Variants in WWC1 observed in about 807,000 individuals in gnomAD.
The protein encoded by WWC1 is WW and C2 domain containing 1, also known as protein KIBRA.
Under a neutral mutation model 138.4 loss-of-function variants are expected in WWC1, and 55 were observed. The observed-to-expected ratio is 0.40, with a 90% CI of 0.32 to 0.50. The LOEUF is 0.50. WWC1 is among the 20% of genes least tolerant of loss of function. WWC1 has a pLI of 0.72. For missense variants in WWC1, 1,226 were observed against 1,420.4 expected, an observed-to-expected ratio of 0.86 and a Z score of 2.20; for synonymous variants, 524 against 564.9, an observed-to-expected ratio of 0.93 and a Z score of 1.03.
chr5:168,408,530 C>T lies in WWC1; in HGVS notation c.744C>T (p.Gly248=). The change falls in exon 7 of 23, where the codon GGC becomes GGT. Residue 248 remains glycine (G), a synonymous_variant. Transcript: ENST00000265293. The stretch of plus-strand genomic sequence containing the variant: ...AGAGCCTTGCCATGTTGAAGGACGG[C>T]TTCCGCACTGACAGGGGGTCTCACT... The part of the protein sequence containing the change: ...LIKSLAMLKD[G]FRTDRGSHSD... The T allele has an allele frequency of 1.2e-6, 2 of 1,614,152 alleles. No individual in the cohort carries two copies. The highest frequency in any genetic ancestry group is 1.7e-6 in the Non-Finnish European group (2 of 1,180,004).
intron 5 of WWC1, 28 bp from the exon 6 acceptor site, chr5:168,406,170 C>G (rs1188110333): frequency 6.2e-7 from 1 of 1,612,046 alleles, no homozygotes; most frequent in South Asian, 1.1e-5. Flanking sequence ...CTATCTAAGG[C>G]TGACCTTTCC....
intron 1 of WWC1, among the ~76,000 whole-genome samples, chr5:168,350,385 A>G (rs1157984689): frequency 6.6e-6 from 1 of 152,228 alleles, no homozygotes; most frequent in Non-Finnish European, 1.5e-5. Flanking sequence ...TGGGTTCCTC[A>G]GGAAATTTGC....
chr5:168,385,181 C>G (rs1777946092), intron 2 of WWC1, 30 bp from the exon 3 acceptor site: 1 of 1,611,332 alleles, frequency 6.2e-7, no homozygotes. Flanking sequence ...TTGTGAGATG[C>G]TGACCTAGAA....
chr5:168,311,362 G>T (rs973885919), intron 1 of WWC1, among the ~76,000 whole-genome samples: 1 of 152,154 alleles, frequency 6.6e-6, no homozygotes, highest in Non-Finnish European at 1.5e-5. Context: ...GGCCCCTGCT[G>T]CTGGGCAGGT....
At chr5:168,322,973 A>G (rs1772238945) in intron 1 of WWC1, among the ~76,000 whole-genome samples, 1 of 152,270 alleles carries the variant, frequency 6.6e-6, no homozygotes, top group Non-Finnish European at 1.5e-5. Flanking sequence ...GACAGTGTCC[A>G]GCCAACAGTA....
chr5:168,329,382 A>C (rs1455661256), intron 1 of WWC1, among the ~76,000 whole-genome samples: 1 of 152,210 alleles, frequency 6.6e-6, no homozygotes, highest in Non-Finnish European at 1.5e-5. Context: ...TATATTTAAA[A>C]GGGTTCTCTT....
chr5:168,358,210 T>A (rs2152797489), intron 1 of WWC1, among the ~76,000 whole-genome samples: 1 of 152,294 alleles, frequency 6.6e-6, no homozygotes, highest in Non-Finnish European at 1.5e-5. Context: ...ACACCTTTGG[T>A]AGGCAATGCA....
intron 1 of WWC1, among the ~76,000 whole-genome samples, chr5:168,348,193 G>A (rs769405905): frequency 1.3e-5 from 2 of 152,172 alleles, no homozygotes; most frequent in Non-Finnish European, 1.5e-5. Context: ...GATGTGCACC[G>A]GCCACACAGC....
chr5:168,344,463 C>G (rs190360542), intron 1 of WWC1, among the ~76,000 whole-genome samples: 67 of 152,298 alleles, frequency 4.4e-4, no homozygotes, highest in Middle Eastern at 6.8e-3. Context: ...CTTTTCTCCT[C>G]CAGAATTGTC....
chr5:168,318,674 C>T (rs907100654), intron 1 of WWC1, among the ~76,000 whole-genome samples: 1 of 151,952 alleles, frequency 6.6e-6, no homozygotes, highest in Non-Finnish European at 1.5e-5. Flanking sequence ...ATTCTCCTGC[C>T]TCAGCCTCCC....
intron 1 of WWC1, among the ~76,000 whole-genome samples, chr5:168,323,005 A>T (rs1772242164): frequency 6.6e-6 from 1 of 152,266 alleles, no homozygotes; most frequent in African/African-American, 2.4e-5. Flanking sequence ...CAGTTTATGA[A>T]GAAAGTCAGT....
At chr5:168,404,623 G>T (rs1779643626) in intron 5 of WWC1, among the ~76,000 whole-genome samples, 1 of 152,152 alleles carries the variant, frequency 6.6e-6, no homozygotes, top group South Asian at 2.1e-4. Context: ...AGGACAGTTT[G>T]GTCTGTAGCA....
intron 12 of WWC1, 63 bp downstream of exon 12, chr5:168,428,204 GC>G (rs1781662461): frequency 6.6e-7 from 1 of 1,519,254 alleles, no homozygotes; most frequent in African/African-American, 1.4e-5. Flanking sequence ...AATATCCAGA[GC>G]CTAGGCCTGT....
At chr5:168,338,730 T>C (rs1773724197) in intron 1 of WWC1, among the ~76,000 whole-genome samples, 1 of 152,084 alleles carries the variant, frequency 6.6e-6, no homozygotes, top group African/African-American at 2.4e-5. Flanking sequence ...CAGAAGGGAT[T>C]TTTCCTGCAA....
intron 22 of WWC1, 41 bp downstream of exon 22, chr5:168,468,005 C>T (rs759360590): frequency 1.2e-6 from 2 of 1,611,862 alleles, no homozygotes; most frequent in South Asian, 1.1e-5. Context: ...CCTTTCTCAG[C>T]CAACCCACGG....
chr5:168,385,732 G>A (rs909797323), intron 3 of WWC1, among the ~76,000 whole-genome samples: 1 of 152,146 alleles, frequency 6.6e-6, no homozygotes, highest in Admixed American at 6.5e-5. Context: ...GTTTCAGTTT[G>A]GGAAGAAGAA....
At chr5:168,397,890 T>C (rs1582153399) in intron 4 of WWC1, 90 bp downstream of exon 4, 1 of 1,419,278 alleles carries the variant, frequency 7.0e-7, no homozygotes, top group Non-Finnish European at 9.9e-7. Context: ...GAACAGATGC[T>C]CCAGCCAGGC....
chr5:168,396,688 C>A (rs1471118839), intron 3 of WWC1, among the ~76,000 whole-genome samples: 1 of 152,134 alleles, frequency 6.6e-6, no homozygotes, highest in African/African-American at 2.4e-5. Context: ...GTTTCCTTAT[C>A]CTTATTTTCT....
chr5:168,326,871 C>A (rs979696890), intron 1 of WWC1, among the ~76,000 whole-genome samples: 2 of 150,214 alleles, frequency 1.3e-5, no homozygotes, highest in African/African-American at 4.8e-5. Context: ...TTTGTAGAAA[C>A]CTAGAACAAA....
Sources: gnomAD v4.1 joint callset for allele counts (sites outside exome capture counted in the v4.1 genomes callset) on GRCh38, gnomAD v4.1.1 for gene constraint, MANE v1.5 for transcripts, NCBI Gene and HGNC (gene_info 2026-07-23, HGNC 2026-07-21) for gene names.